The following SCAND3 variants were observed in gnomAD, a reference collection of about 807,000 sequenced individuals.
The protein encoded by SCAND3 is SCAN domain-containing protein 3.
chr6:28,601,663 G>T, the SCAND3 span, among the ~76,000 whole-genome samples: 1 of 152,210 alleles, frequency 6.6e-6, no homozygotes, highest in East Asian at 1.9e-4. Flanking sequence ...GGGACTACAG[G>T]CATGCACCAC....
At chr6:28,605,848 A>AAAAGAAAG in the SCAND3 span, among the ~76,000 whole-genome samples, 3 of 152,132 alleles carry the variant, frequency 2.0e-5, no homozygotes, top group Admixed American at 1.3e-4. Context: ...CTGTCTCAGA[A>AAAAGAAAG]AAAGAAAGAA....
the SCAND3 span, chr6:28,575,284 T>C: frequency 6.2e-7 from 1 of 1,613,896 alleles, no homozygotes; most frequent in Admixed American, 1.7e-5. This position sits in a 1 kb window ranked among gnomAD's most constrained non-coding sequence, Gnocchi z 4.2. Context: ...CTCAGTTTGT[T>C]CTGCAGAACT....
the SCAND3 span, among the ~76,000 whole-genome samples, chr6:28,598,458 C>G: frequency 6.6e-6 from 1 of 152,060 alleles, no homozygotes; most frequent in Non-Finnish European, 1.5e-5. Context: ...CCATCATGTT[C>G]CTTTACCAAA....
At chr6:28,579,147 G>T in the SCAND3 span, 2 of 839,204 alleles carry the variant, frequency 2.4e-6, no homozygotes, top group Non-Finnish European at 3.7e-6. The surrounding 1 kb of genome is among the most constrained non-coding windows in gnomAD (Gnocchi z 4.5). Context: ...ATACTGATTG[G>T]CTTTTCCTTC....
the SCAND3 span, among the ~76,000 whole-genome samples, chr6:28,593,030 C>A: frequency 1.4e-5 from 2 of 143,678 alleles, no homozygotes; most frequent in African/African-American, 2.7e-5. Context: ...TTTTTTGACT[C>A]CAAAGCACAA....
chr6:28,573,082 G>T, the SCAND3 span: 1 of 1,608,038 alleles, frequency 6.2e-7, no homozygotes, highest in African/African-American at 1.3e-5. Context: ...TGTAGGCAAA[G>T]AGGCTGAAAA....
the SCAND3 span, chr6:28,589,367 A>G: frequency 3.3e-5 from 5 of 151,970 alleles, no homozygotes; most frequent in Admixed American, 2.0e-4. Flanking sequence ...TACCTACTGT[A>G]CCCTTGTGGT....
chr6:28,575,739 TCCAC>T, the SCAND3 span: 1 of 1,614,102 alleles, frequency 6.2e-7, no homozygotes, highest in Non-Finnish European at 8.5e-7. This position sits in a 1 kb window ranked among gnomAD's most constrained non-coding sequence, Gnocchi z 4.2. Flanking sequence ...TGCGAGTACG[TCCAC>T]CATGTCCAAT....
At chr6:28,573,735 T>G in the SCAND3 span, 1 of 1,604,918 alleles carries the variant, frequency 6.2e-7, no homozygotes, top group Non-Finnish European at 8.5e-7. Context: ...CAGGATAACT[T>G]CTATTGTTAA....
At chr6:28,608,025 T>G in the SCAND3 span, among the ~76,000 whole-genome samples, 1 of 152,152 alleles carries the variant, frequency 6.6e-6, no homozygotes, top group Admixed American at 6.5e-5. Context: ...GCCATCATGT[T>G]CCCATGCTCA....
the SCAND3 span, among the ~76,000 whole-genome samples, chr6:28,581,337 CAAAT>C: frequency 1.3e-5 from 2 of 151,942 alleles, no homozygotes; most frequent in African/African-American, 4.8e-5. Flanking sequence ...GATTCCATCT[CAAAT>C]AAATAAATAA....
the SCAND3 span, chr6:28,574,538 G>T: frequency 1.1e-6 from 1 of 946,842 alleles, no homozygotes; most frequent in Non-Finnish European, 1.6e-6. Flanking sequence ...TATATCCAAG[G>T]TAATAAAAAT....
At chr6:28,572,572 G>C in the SCAND3 span, 2 of 1,614,032 alleles carry the variant, frequency 1.2e-6, no homozygotes, top group Non-Finnish European at 1.7e-6. The surrounding 1 kb of genome is among the most constrained non-coding windows in gnomAD (Gnocchi z 4.1). Context: ...GAAGATATCA[G>C]ACAAATAAGC....
chr6:28,603,940 A>G, the SCAND3 span, among the ~76,000 whole-genome samples: 5 of 152,186 alleles, frequency 3.3e-5, no homozygotes, highest in African/African-American at 2.4e-5. Flanking sequence ...TCTGGAGTTC[A>G]TCAGTTTTCC....
chr6:28,613,526 G>C, the SCAND3 span, among the ~76,000 whole-genome samples: 6 of 152,094 alleles, frequency 3.9e-5, no homozygotes, highest in Non-Finnish European at 8.8e-5. Context: ...TTTTAGTCTT[G>C]AACCATTCCC....
At chr6:28,590,760 T>A in the SCAND3 span, 2 of 152,244 alleles carry the variant, frequency 1.3e-5, no homozygotes, top group Non-Finnish European at 2.9e-5. Context: ...AGCTCATATT[T>A]TGAATTACCA....
chr6:28,611,805 T>G, the SCAND3 span, among the ~76,000 whole-genome samples: 1 of 152,240 alleles, frequency 6.6e-6, no homozygotes, highest in Non-Finnish European at 1.5e-5. Flanking sequence ...ACAAGATGTT[T>G]CAAATAGGAG....
chr6:28,573,994 T>C, the SCAND3 span, among the ~76,000 whole-genome samples: 2 of 152,178 alleles, frequency 1.3e-5, no homozygotes, highest in Non-Finnish European at 2.9e-5. Context: ...TTATACATCT[T>C]TGGGTTATGG....
the SCAND3 span, chr6:28,597,696 CAT>C: frequency 6.6e-6 from 1 of 151,862 alleles, no homozygotes; most frequent in Non-Finnish European, 1.5e-5. Flanking sequence ...ATGCATGGGA[CAT>C]AGGATTTGAA....
Sources: gnomAD v4.1 joint callset for allele counts (sites outside exome capture counted in the v4.1 genomes callset) on GRCh38, gnomAD v4.1.1 for gene constraint, Gnocchi (gnomAD v3.1) non-coding constraint, MANE v1.5 for transcripts, NCBI Gene and HGNC (gene_info 2026-07-23, HGNC 2026-07-21) for gene names.